NFATC1: variants seen among roughly 807,000 people sequenced by gnomAD.
NFATC1 encodes the protein nuclear factor of activated T cells 1, also known as nuclear factor of activated T-cells, cytoplasmic 1.
In NFATC1, 22 loss-of-function variants were observed where a neutral mutation model predicts 76.0. The observed-to-expected ratio is 0.29, with a 90% CI of 0.21 to 0.41. NFATC1 has a LOEUF of 0.41. NFATC1 is among the 10% of genes least tolerant of loss of function. The pLI, the probability that NFATC1 is intolerant of heterozygous loss-of-function variation, is 1.00. For missense variants in NFATC1, 1,357 were observed against 1,337.7 expected (o/e 1.01, Z -0.23); for synonymous variants, 704 against 613.1 (o/e 1.15, Z -2.19).
intron 9 of NFATC1, chr18:79,493,813 C>T (rs889713039): frequency 6.6e-6 from 1 of 152,290 alleles, no homozygotes; most frequent in African/African-American, 2.4e-5. Context: ...CCGTGCAAAT[C>T]ATTCATCGGG....
intron 9 of NFATC1, among the ~76,000 whole-genome samples, chr18:79,520,867 G>A (rs111164326): frequency 1.1e-5 from 1 of 94,640 alleles, no homozygotes. Flanking sequence ...GTGTGGGGGG[G>A]GCATCCACTG....
intron 5 of NFATC1, among the ~76,000 whole-genome samples, 195 bp from the exon 6 acceptor site, chr18:79,451,481 G>A (rs139255335): frequency 2.8e-4 from 43 of 152,384 alleles, no homozygotes; most frequent in Admixed American, 5.2e-4. Context: ...TCTTCAGAAC[G>A]AGGTGGAGAC....
At chr18:79,403,917 G>A (rs142575685) in intron 1 of NFATC1, among the ~76,000 whole-genome samples, 57 of 152,354 alleles carry the variant, frequency 3.7e-4, no homozygotes, top group Non-Finnish European at 7.3e-4. Context: ...GCTGAATTAG[G>A]AATGCTCTGT....
intron 9 of NFATC1, among the ~76,000 whole-genome samples, chr18:79,513,740 T>C (rs1600975925): frequency 6.6e-6 from 1 of 152,000 alleles, no homozygotes; most frequent in South Asian, 2.1e-4. Flanking sequence ...CTGCCGGGGG[T>C]GTGTGGCCTG....
chr18:79,453,140 C>T (rs2087543700), intron 6 of NFATC1, among the ~76,000 whole-genome samples: 1 of 152,232 alleles, frequency 6.6e-6, no homozygotes, highest in African/African-American at 2.4e-5. Flanking sequence ...AAATAATTTT[C>T]CCTTCAGAGC....
At chr18:79,488,031 G>A (rs2089563450) in intron 9 of NFATC1, among the ~76,000 whole-genome samples, 1 of 152,102 alleles carries the variant, frequency 6.6e-6, no homozygotes, top group Non-Finnish European at 1.5e-5. Context: ...GGGTCCAGGC[G>A]AGCCTCGGCC....
At chr18:79,520,977 G>T (rs1300614306) in intron 9 of NFATC1, among the ~76,000 whole-genome samples, 1 of 75,318 alleles carries the variant, frequency 1.3e-5, no homozygotes. Flanking sequence ...GGGGGCATCC[G>T]CTGATGTGTG....
chr18:79,406,438 C>T (rs528708502), intron 1 of NFATC1, among the ~76,000 whole-genome samples: 13 of 152,064 alleles, frequency 8.5e-5, no homozygotes, highest in South Asian at 2.1e-4. Context: ...CCCCCGTGAT[C>T]GGATCCACGC....
chr18:79,473,113 G>A (rs531672614), intron 8 of NFATC1, among the ~76,000 whole-genome samples: 2 of 152,382 alleles, frequency 1.3e-5, no homozygotes, highest in East Asian at 3.9e-4. Flanking sequence ...CAGAGCGGAT[G>A]ATGCTGACAT....
intron 6 of NFATC1, among the ~76,000 whole-genome samples, chr18:79,458,462 G>C (rs895149405): frequency 6.6e-6 from 1 of 152,044 alleles, no homozygotes; most frequent in African/African-American, 2.4e-5. Flanking sequence ...CAGCACCGGC[G>C]TGGGGGTGGC....
At chr18:79,400,454 C>T (rs1461900272) in intron 1 of NFATC1, 13 of 1,489,540 alleles carry the variant, frequency 8.7e-6, no homozygotes, top group African/African-American at 2.9e-5. Context: ...ACCAGCGCGA[C>T]GAGGGCGCCG....
intron 7 of NFATC1, among the ~76,000 whole-genome samples, chr18:79,463,652 A>G (rs2088267241): frequency 6.6e-6 from 1 of 152,158 alleles, no homozygotes; most frequent in African/African-American, 2.4e-5. Flanking sequence ...GTTCCTCCCC[A>G]CTGGGCTGCC....
In NFATC1 at chr18:79,528,873, A is replaced by G. The variant is rs56094544; in HGVS notation, c.*1296A>G. On this transcript the variant is annotated 3_prime_UTR_variant, in exon 10 of 10. Transcript: ENST00000427363. ...TACGTATGATTACTCACAGCGATCT[A>G]TTGTTCCATATAACCAAAAAGCATG... 335 of 152,750 alleles carry G rather than the reference A, an allele frequency of 2.2e-3. No homozygotes were observed. The highest frequency in any genetic ancestry group is 3.8e-3 in the Non-Finnish European group (259 of 68,026). The allele number at this position is 152,750 out of a possible 1,614,324, so 9.5% of individuals were successfully genotyped here. A position where few individuals can be genotyped will look rare whatever the true frequency, so the allele number is the denominator to read the frequency against.
intron 8 of NFATC1, among the ~76,000 whole-genome samples, chr18:79,479,746 G>A (rs1040396816): frequency 4.6e-5 from 7 of 152,326 alleles, no homozygotes; most frequent in African/African-American, 9.6e-5. Flanking sequence ...TGTGGGTGCC[G>A]GGTGCCTCGC....
At chr18:79,419,413 C>T (rs1490700607) in intron 2 of NFATC1, among the ~76,000 whole-genome samples, 1 of 142,124 alleles carries the variant, frequency 7.0e-6, no homozygotes, top group African/African-American at 2.6e-5. Flanking sequence ...TGCCCGGGAG[C>T]CCCCTAGGAG....
intron 9 of NFATC1, among the ~76,000 whole-genome samples, chr18:79,501,193 G>A (rs1363007045): frequency 2.6e-5 from 4 of 152,158 alleles, no homozygotes; most frequent in Non-Finnish European, 5.9e-5. Flanking sequence ...GAAGTCATGT[G>A]ATGTACCATA....
At chr18:79,448,591 G>A (rs986389090) in intron 3 of NFATC1, 191 bp from the exon 4 acceptor site, 1 of 619,054 alleles carries the variant, frequency 1.6e-6, no homozygotes, top group Non-Finnish European at 2.8e-6. Context: ...CAGTGCCCAG[G>A]TCCATTGGGA....
intron 9 of NFATC1, among the ~76,000 whole-genome samples, chr18:79,521,618 GT>G (rs1291851700): frequency 2.6e-4 from 7 of 27,214 alleles, no homozygotes; most frequent in African/African-American, 5.6e-4. Context: ...ATGTCTGTGT[GT>G]GTGGGGGGGG....
At chr18:79,434,312 C>T (rs1321271590) in intron 3 of NFATC1, among the ~76,000 whole-genome samples, 1 of 152,222 alleles carries the variant, frequency 6.6e-6, no homozygotes, top group African/African-American at 2.4e-5. Context: ...CCTGACTCCC[C>T]CGGGCTGTGG....
Sources: allele counts gnomAD v4.1 joint callset (sites outside exome capture counted in the v4.1 genomes callset), GRCh38; gene constraint gnomAD v4.1.1; transcripts MANE v1.5; gene names NCBI Gene and HGNC (gene_info 2026-07-23, HGNC 2026-07-21).